Variants in OR51B5 observed in about 807,000 individuals in gnomAD.
OR51B5 encodes olfactory receptor 51B5.
For missense variants in OR51B5, 456 were observed against 374.6 expected, an observed-to-expected ratio of 1.22 and a Z score of -1.79; for synonymous variants, 186 against 144.8, an observed-to-expected ratio of 1.28 and a Z score of -2.04.
intron 1 of OR51B5, among the ~76,000 whole-genome samples, chr11:5,353,928 T>C (rs1564917478): frequency 6.6e-6 from 1 of 152,224 alleles, no homozygotes; most frequent in African/African-American, 2.4e-5. Flanking sequence ...TTTATCTGAT[T>C]AGACCAAAAG....
At chr11:5,495,995 A>C (rs383387) in intron 1 of OR51B5, among the ~76,000 whole-genome samples, 150,563 of 152,198 alleles carry the variant, frequency 0.99, 74,497 homozygotes, top group East Asian at 1. Context: ...CCATGAACAG[A>C]CTCTGAGCAA....
downstream of OR51B5, chr11:5,341,189 G>A: frequency 6.6e-6 from 1 of 152,166 alleles, no homozygotes; most frequent in East Asian, 1.9e-4. Flanking sequence ...GCTCTCAGGA[G>A]ACAGGGAGCA....
At chr11:5,438,235 G>A (rs1238038308) in intron 1 of OR51B5, among the ~76,000 whole-genome samples, 1 of 151,916 alleles carries the variant, frequency 6.6e-6, no homozygotes, top group South Asian at 2.1e-4. Context: ...GTTATTAGAG[G>A]CAGCATGAAG....
At chr11:5,351,183 T>C (rs2133686909) in intron 1 of OR51B5, among the ~76,000 whole-genome samples, 1 of 152,306 alleles carries the variant, frequency 6.6e-6, no homozygotes, top group South Asian at 2.1e-4. Context: ...ATATAGTGAT[T>C]TCTTCTTTCA....
chr11:5,483,875 C>T (rs756437279), intron 1 of OR51B5, among the ~76,000 whole-genome samples: 2 of 152,152 alleles, frequency 1.3e-5, no homozygotes, highest in African/African-American at 2.4e-5. Flanking sequence ...GCCCAGAAAA[C>T]TGAGAAAGGA....
At chr11:5,387,042 G>A (rs907780921) in intron 1 of OR51B5, among the ~76,000 whole-genome samples, 1 of 152,030 alleles carries the variant, frequency 6.6e-6, no homozygotes, top group Non-Finnish European at 1.5e-5. Context: ...CTGGACTAGA[G>A]ATTAATGTCT....
In OR51B5 at chr11:5,482,203, A is replaced by G. The variant is rs373239157; in HGVS notation, n.84+23366T>C. ...ACAGAGCCCTCAGAAATAATGCCGC[A>G]TATCTACAACTATCTGATCTTTGAC... is the stretch of plus-strand genomic sequence containing the variant. On this transcript the variant is annotated intron_variant and non_coding_transcript_variant, in intron 1 of 4. Transcript: ENST00000415970. Among the ~76,000 whole-genome samples the G allele has an allele frequency of 2.3e-3, 226 of 96,640 alleles. 11 individuals carry two copies. The highest frequency in any genetic ancestry group is 0.01 in the African/African-American group (205 of 20,350). The allele number at this position is 96,640 out of a possible 152,430, so 63.4% of individuals were successfully genotyped here.
chr11:5,431,323 A>C, intron 1 of OR51B5: 1 of 298,830 alleles, frequency 3.3e-6, no homozygotes, highest in Non-Finnish European at 6.6e-6. Flanking sequence ...ATCAAAGTCA[A>C]CTCTGTGGGC....
At chr11:5,424,107 T>G (rs972373090) in intron 1 of OR51B5, among the ~76,000 whole-genome samples, 1 of 152,144 alleles carries the variant, frequency 6.6e-6, no homozygotes, top group Non-Finnish European at 1.5e-5. Flanking sequence ...AACTATAAAT[T>G]TGATCACAGC....
chr11:5,453,629 G>C, intron 1 of OR51B5: 1 of 1,613,790 alleles, frequency 6.2e-7, no homozygotes, highest in Non-Finnish European at 8.5e-7. Context: ...TGATCCTGCA[G>C]GCTGTGCGAG....
chr11:5,353,677 T>G (rs1331860392), intron 1 of OR51B5, among the ~76,000 whole-genome samples: 1 of 152,226 alleles, frequency 6.6e-6, no homozygotes, highest in Admixed American at 6.5e-5. Flanking sequence ...AGATATTCTT[T>G]TGACCAAAAT....
At chr11:5,363,732 G>C (rs185790717) in intron 1 of OR51B5, among the ~76,000 whole-genome samples, 85 of 152,262 alleles carry the variant, frequency 5.6e-4, no homozygotes, top group African/African-American at 2.0e-3. Flanking sequence ...CCATCATTCT[G>C]TTATTGGAAA....
At chr11:5,468,101 T>G (rs942301960) in intron 1 of OR51B5, among the ~76,000 whole-genome samples, 1 of 152,246 alleles carries the variant, frequency 6.6e-6, no homozygotes. Context: ...TATTCTGGGT[T>G]GATATGATCT....
chr11:5,481,851 A>G (rs1851426555), intron 1 of OR51B5, among the ~76,000 whole-genome samples: 2 of 141,524 alleles, frequency 1.4e-5, no homozygotes, highest in Non-Finnish European at 3.0e-5. Context: ...CAAGGAAATA[A>G]AAGAGGATAC....
intron 1 of OR51B5, among the ~76,000 whole-genome samples, chr11:5,433,653 C>T (rs1382421388): frequency 6.6e-6 from 1 of 152,050 alleles, no homozygotes; most frequent in Non-Finnish European, 1.5e-5. Flanking sequence ...TAGCAAGGCC[C>T]CATCTGTACT....
chr11:5,435,729 G>C (rs16930851), intron 1 of OR51B5, among the ~76,000 whole-genome samples: 7,717 of 152,178 alleles, frequency 0.051, 568 homozygotes, highest in East Asian at 0.37. Flanking sequence ...AAGTCCTCCT[G>C]TCAGAGTGAC....
rs568998884 is a variant in OR51B5, at chr11:5,465,351, C to T, written n.84+40218G>A. The stretch of plus-strand genomic sequence containing the variant: ...GTTTTGATTTGCATTTCTCTGATGG[C>T]CAGTGATGGTGAGCATTTTTTCATG... On this transcript the variant is annotated intron_variant and non_coding_transcript_variant, in intron 1 of 4. Transcript: ENST00000415970. Among the ~76,000 whole-genome samples the T allele has an allele frequency of 1.3e-3, 200 of 150,754 alleles. 1 individual carries two copies. The highest frequency in any genetic ancestry group is 4.6e-3 in the African/African-American group (188 of 41,062).
chr11:5,480,313 A>G lies in OR51B5; in HGVS notation n.84+25256T>C, dbSNP rs1236605723. 9.2e-5 allele frequency among the ~76,000 whole-genome samples: 14 copies of G among 152,062 alleles called. No individual in the cohort carries two copies. In the East Asian group the frequency reaches 2.7e-3, roughly 29 times the overall value. ...AAAGATGTTCTTTGAAACCAACGAG[A>G]ACAAAGACACAACATACCAGAATCT... On this transcript the variant is annotated intron_variant and non_coding_transcript_variant, in intron 1 of 4. Transcript: ENST00000415970.
intron 1 of OR51B5, among the ~76,000 whole-genome samples, chr11:5,367,455 C>A (rs1849387053): frequency 6.6e-6 from 1 of 152,134 alleles, no homozygotes; most frequent in Non-Finnish European, 1.5e-5. Flanking sequence ...TCATGCCTCC[C>A]CTTTTCAGAC....
Sources: gnomAD v4.1 joint callset for allele counts (sites outside exome capture counted in the v4.1 genomes callset) on GRCh38, gnomAD v4.1.1 for gene constraint, MANE v1.5 for transcripts, NCBI Gene and HGNC (gene_info 2026-07-23, HGNC 2026-07-21) for gene names.